TMEM131: variants seen among roughly 807,000 people sequenced by gnomAD.
The protein encoded by TMEM131 is transmembrane protein 131.
TMEM131 carries 66 observed loss-of-function variants against 211.6 expected under a neutral mutation model. The observed-to-expected ratio is 0.31, with a 90% CI of 0.26 to 0.38. TMEM131 has a LOEUF of 0.38. Ranked by LOEUF, TMEM131 falls within the 10% of genes least tolerant of loss-of-function variation. The probability of loss-of-function intolerance (pLI) is 1.00; values close to 1 mark genes in which losing one functional copy is unlikely to be tolerated. For synonymous variants in TMEM131, 844 were observed against 841.3 expected (o/e 1.00, Z -0.06); for missense variants, 2,036 against 2,299.3 (o/e 0.89, Z 2.34).
intron 31 of TMEM131, among the ~76,000 whole-genome samples, chr2:97,788,000 G>A (rs1266081665): frequency 6.6e-6 from 1 of 152,026 alleles, no homozygotes; most frequent in African/African-American, 2.4e-5. Flanking sequence ...CTCTATCTGT[G>A]AGGTTCCTTC....
chr2:97,938,569 A>G (rs1677558972), intron 1 of TMEM131, among the ~76,000 whole-genome samples: 1 of 152,206 alleles, frequency 6.6e-6, no homozygotes, highest in Non-Finnish European at 1.5e-5. Context: ...ACTCCCACAC[A>G]ATAATAATGG....
At chr2:97,978,791 T>G (rs950543139) in intron 1 of TMEM131, among the ~76,000 whole-genome samples, 6 of 152,182 alleles carry the variant, frequency 3.9e-5, no homozygotes, top group Non-Finnish European at 8.8e-5. Context: ...CAAACTCTTG[T>G]TGATATTCTG....
At chr2:97,920,954 C>T (rs1308784335) in intron 2 of TMEM131, among the ~76,000 whole-genome samples, 11 of 146,904 alleles carry the variant, frequency 7.5e-5, no homozygotes, top group Non-Finnish European at 1.2e-4. Context: ...CTGAGTGACG[C>T]TAATAAAAAA....
At chr2:97,899,758 C>G (rs1001530621) in intron 3 of TMEM131, among the ~76,000 whole-genome samples, 2 of 152,072 alleles carry the variant, frequency 1.3e-5, no homozygotes, top group Admixed American at 6.6e-5. Flanking sequence ...TATATCTATC[C>G]CTTTCCCTAT....
At chr2:97,772,619 T>C (rs1679520280) in intron 32 of TMEM131, among the ~76,000 whole-genome samples, 195 bp from the exon 33 acceptor site, 1 of 152,248 alleles carries the variant, frequency 6.6e-6, no homozygotes, top group African/African-American at 2.4e-5. Flanking sequence ...GTCTCAGCTG[T>C]GTGCGGTGGC....
At chr2:97,941,840 G>A (rs1439331904) in intron 1 of TMEM131, among the ~76,000 whole-genome samples, 4 of 152,190 alleles carry the variant, frequency 2.6e-5, no homozygotes, top group Admixed American at 2.6e-4. Flanking sequence ...TGCTGGAGAG[G>A]ATGTGGAGAA....
chr2:97,763,662 T>C (rs987787450), intron 35 of TMEM131: 1 of 152,552 alleles, frequency 6.6e-6, no homozygotes, highest in Non-Finnish European at 1.5e-5. Flanking sequence ...CTGGCCTCGC[T>C]CCGCCCCTGC....
intron 2 of TMEM131, among the ~76,000 whole-genome samples, chr2:97,914,591 T>A (rs2104393926): frequency 6.6e-6 from 1 of 152,304 alleles, no homozygotes; most frequent in East Asian, 1.9e-4. Flanking sequence ...TGACTAAAAT[T>A]TTTTCATTTT....
chr2:97,952,935 T>C (rs1329462075), intron 1 of TMEM131, among the ~76,000 whole-genome samples: 1 of 152,084 alleles, frequency 6.6e-6, no homozygotes, highest in African/African-American at 2.4e-5. Flanking sequence ...TAATTATGAA[T>C]GCTATAACCA....
intron 1 of TMEM131, among the ~76,000 whole-genome samples, chr2:97,930,199 GAAGCTTTATGTCT>G (rs1677160517): frequency 1.3e-5 from 2 of 151,774 alleles, no homozygotes; most frequent in Admixed American, 6.6e-5. Context: ...CCTCTAATTA[GAAGCTTTATGTCT>G]AATTGGCAGA....
chr2:97,842,530 C>G (rs1683246800), intron 6 of TMEM131, among the ~76,000 whole-genome samples: 1 of 151,942 alleles, frequency 6.6e-6, no homozygotes. Context: ...AAAAAAAATC[C>G]CTCTGCCAGA....
chr2:97,938,268 T>C (rs550877460), intron 1 of TMEM131, among the ~76,000 whole-genome samples: 2 of 152,172 alleles, frequency 1.3e-5, no homozygotes, highest in African/African-American at 4.8e-5. Flanking sequence ...ATCAGTGTGC[T>C]GTATTCAGGA....
chr2:97,978,170 T>C (rs1423227380), intron 1 of TMEM131, among the ~76,000 whole-genome samples: 5 of 152,198 alleles, frequency 3.3e-5, no homozygotes, highest in African/African-American at 7.2e-5. Context: ...CTCTGTAGCA[T>C]GCAATGCTGT....
At chr2:97,928,332 G>A (rs996623628) in intron 1 of TMEM131, among the ~76,000 whole-genome samples, 2 of 148,986 alleles carry the variant, frequency 1.3e-5, no homozygotes, top group Non-Finnish European at 1.5e-5. Flanking sequence ...GGGGGAGATG[G>A]GAAAGGTTGA....
At chr2:97,906,018 G>A (rs1228588952) in intron 3 of TMEM131, among the ~76,000 whole-genome samples, 2 of 152,200 alleles carry the variant, frequency 1.3e-5, no homozygotes, top group Admixed American at 6.5e-5. Flanking sequence ...AAAGAAAGCT[G>A]TGCTTTTGAA....
chr2:97,861,771 C>A (rs747847626), intron 4 of TMEM131, among the ~76,000 whole-genome samples: 35 of 152,262 alleles, frequency 2.3e-4, no homozygotes, highest in Non-Finnish European at 3.7e-4. Flanking sequence ...TCTGGACACA[C>A]CTACAGACCC....
chr2:97,861,333 C>T (rs1395753499), intron 4 of TMEM131, among the ~76,000 whole-genome samples: 1 of 151,644 alleles, frequency 6.6e-6, no homozygotes, highest in African/African-American at 2.4e-5. Flanking sequence ...CTCCTCCAAC[C>T]CCAGGCAGCA....
intron 5 of TMEM131, among the ~76,000 whole-genome samples, chr2:97,856,455 T>A (rs1242631167): frequency 6.6e-6 from 1 of 152,212 alleles, no homozygotes; most frequent in Non-Finnish European, 1.5e-5. Flanking sequence ...CGTGTTAAAA[T>A]ATAATTATGT....
chr2:97,848,715 A>G (rs928199074), intron 5 of TMEM131, among the ~76,000 whole-genome samples: 11 of 151,182 alleles, frequency 7.3e-5, no homozygotes, highest in African/African-American at 1.5e-4. Flanking sequence ...TACTTCTAGG[A>G]AAAAAAAAGG....
Sources: allele counts gnomAD v4.1 joint callset (sites outside exome capture counted in the v4.1 genomes callset), GRCh38; gene constraint gnomAD v4.1.1; transcripts MANE v1.5; gene names NCBI Gene and HGNC (gene_info 2026-07-23, HGNC 2026-07-21).